B4GALT5: variants seen among roughly 807,000 people sequenced by gnomAD.
The protein encoded by B4GALT5 is UDP-Gal:beta-GlcNAc beta-1,4-galactosyltransferase 5.
Under a neutral mutation model 45.0 loss-of-function variants are expected in B4GALT5, and 11 were observed. The ratio of observed to expected loss-of-function variants is 0.24; its 90% CI spans 0.15 to 0.40. B4GALT5 has a LOEUF of 0.40. B4GALT5 is among the 10% of genes least tolerant of loss of function. B4GALT5 has a pLI of 1.00. For missense variants in B4GALT5, 337 were observed against 500.2 expected (o/e 0.67, Z 3.11); for synonymous variants, 185 against 182.9 (o/e 1.01, Z -0.09).
chr20:49,681,842 T>A (rs2085765301), intron 1 of B4GALT5, among the ~76,000 whole-genome samples: 2 of 152,210 alleles, frequency 1.3e-5, no homozygotes, highest in Admixed American at 1.3e-4. Flanking sequence ...ACGCCTGTAA[T>A]CCCAGCACTT....
At chr20:49,652,806 G>A (rs78730232) in intron 2 of B4GALT5, among the ~76,000 whole-genome samples, 2,276 of 152,268 alleles carry the variant, frequency 0.015, 55 homozygotes, top group African/African-American at 0.052. Context: ...GCTATGCTTG[G>A]CCTAATGCAG....
chr20:49,666,265 G>A (rs1379867243), intron 1 of B4GALT5, among the ~76,000 whole-genome samples: 2 of 152,036 alleles, frequency 1.3e-5, no homozygotes, highest in Non-Finnish European at 2.9e-5. Flanking sequence ...GAGCAATGCA[G>A]AGGAACACCA....
At position 49,713,575 on chromosome 20, in the gene B4GALT5, C is replaced by A; in HGVS notation, c.115+1G>T. On this transcript the variant is annotated splice_donor_variant, in intron 1 of 8. Coordinates refer to ENST00000371711, the MANE Select transcript of B4GALT5 (RefSeq NM_004776.4). LOFTEE classifies it high-confidence loss of function. ...GCCGCGGTCCCAAGCCCCCTTCCTA[C>A]CTATGCCGGGCGCCACATAGACGAA... The A allele has an allele frequency of 6.4e-7, 1 of 1,574,798 alleles. No homozygotes were observed. The highest frequency in any genetic ancestry group is 1.4e-5 in the African/African-American group (1 of 73,774).
chr20:49,689,903 C>T (rs2085803080), intron 1 of B4GALT5, among the ~76,000 whole-genome samples: 1 of 152,106 alleles, frequency 6.6e-6, no homozygotes, highest in African/African-American at 2.4e-5. Context: ...TGTTTGGAGA[C>T]GGGGTCTCGC....
intron 1 of B4GALT5, among the ~76,000 whole-genome samples, chr20:49,692,629 G>A (rs539669098): frequency 6.6e-6 from 1 of 152,236 alleles, no homozygotes; most frequent in Non-Finnish European, 1.5e-5. Flanking sequence ...AGGAGGCTGA[G>A]TATATCCTTT....
Position 49,633,439 on chromosome 20 carries a change from G to GTTTTTTGT in B4GALT5, c.*2872_*2873insACAAAAAA, listed in dbSNP as rs1555810432. On this transcript the variant is annotated 3_prime_UTR_variant, in exon 9 of 9. Transcript: ENST00000371711. ...ATGCACAAGGTCACATTTGGTTCCT[G>GTTTTTTGT]TTTTTTTTTTTAACATGACAATTTC... 3 of 146,246 alleles carry GTTTTTTGT rather than the reference G, an allele frequency of 2.1e-5. No individual in the cohort carries two copies. Among genetic ancestry groups the GTTTTTTGT allele is most frequent in the Non-Finnish European group, 4.5e-5 (3 of 66,606 alleles). The allele number at this position is 146,246 out of a possible 1,614,324, so 9.1% of individuals were successfully genotyped here.
chr20:49,642,399 A>G, intron 5 of B4GALT5, 69 bp downstream of exon 5: 1 of 1,176,094 alleles, frequency 8.5e-7, no homozygotes, highest in Non-Finnish European at 1.2e-6. Flanking sequence ...CCAACAGTGG[A>G]TTAGCTTGCA....
At chr20:49,693,819 C>G (rs970171385) in intron 1 of B4GALT5, among the ~76,000 whole-genome samples, 11 of 152,180 alleles carry the variant, frequency 7.2e-5, no homozygotes, top group Admixed American at 5.9e-4. Flanking sequence ...AGGTATGCAG[C>G]TTTGCATAAA....
At chr20:49,693,706 G>C (rs1306398084) in intron 1 of B4GALT5, among the ~76,000 whole-genome samples, 2 of 152,210 alleles carry the variant, frequency 1.3e-5, no homozygotes. Flanking sequence ...TTTTCCAAAA[G>C]CCTGCTGGCA....
intron 1 of B4GALT5, among the ~76,000 whole-genome samples, chr20:49,683,296 T>C (rs1364721505): frequency 6.6e-6 from 1 of 152,242 alleles, no homozygotes; most frequent in Non-Finnish European, 1.5e-5. Flanking sequence ...TTTTCTGGTT[T>C]TCCTTTTATC....
At chr20:49,638,899 T>A (rs192859129) in intron 7 of B4GALT5, among the ~76,000 whole-genome samples, 225 of 152,212 alleles carry the variant, frequency 1.5e-3, no homozygotes, top group African/African-American at 5.2e-3. Flanking sequence ...TATAACCGAA[T>A]TAAATGGAGC....
At chr20:49,707,794 AG>A (rs1258265494) in intron 1 of B4GALT5, among the ~76,000 whole-genome samples, 1 of 151,870 alleles carries the variant, frequency 6.6e-6, no homozygotes, top group Non-Finnish European at 1.5e-5. Context: ...TTGTATTTTT[AG>A]TAGAGACGAG....
intron 1 of B4GALT5, among the ~76,000 whole-genome samples, chr20:49,708,940 A>G (rs1208435113): frequency 6.6e-6 from 1 of 152,106 alleles, no homozygotes; most frequent in African/African-American, 2.4e-5. Context: ...TCAAAAAAAA[A>G]AAAAAAAAGT....
At chr20:49,711,929 A>T (rs2085914045) in intron 1 of B4GALT5, among the ~76,000 whole-genome samples, 1 of 152,214 alleles carries the variant, frequency 6.6e-6, no homozygotes, top group Admixed American at 6.5e-5. Context: ...GGCACTAGTT[A>T]TTGCTACAAT....
chr20:49,678,390 G>A (rs1413650352), intron 1 of B4GALT5, among the ~76,000 whole-genome samples: 1 of 152,238 alleles, frequency 6.6e-6, no homozygotes, highest in African/African-American at 2.4e-5. Flanking sequence ...ACAATAATTT[G>A]GCTGGACAAG....
intron 6 of B4GALT5, 63 bp from the exon 7 acceptor site, chr20:49,639,863 G>A (rs2085568643): frequency 6.3e-7 from 1 of 1,584,718 alleles, no homozygotes; most frequent in African/African-American, 1.3e-5. Context: ...TCCCTAGAAG[G>A]TTCTCATTTG....
intron 6 of B4GALT5, among the ~76,000 whole-genome samples, chr20:49,640,027 A>G (rs2085569582): frequency 6.6e-6 from 1 of 152,234 alleles, no homozygotes; most frequent in South Asian, 2.1e-4. Flanking sequence ...TATATCATTC[A>G]ATGGTTTTAG....
intron 2 of B4GALT5, among the ~76,000 whole-genome samples, chr20:49,650,810 T>A (rs1941324748): frequency 6.6e-6 from 1 of 152,174 alleles, no homozygotes; most frequent in South Asian, 2.1e-4. Flanking sequence ...TTATACCTTA[T>A]CCCCTTGGAG....
chr20:49,681,216 T>TTAA (rs1555813241), intron 1 of B4GALT5, among the ~76,000 whole-genome samples: 24 of 72,440 alleles, frequency 3.3e-4, no homozygotes, highest in African/African-American at 1.1e-3. Flanking sequence ...ACCCCATCTC[T>TTAA]AAAAAAAAAA....
Sources: gnomAD v4.1 joint callset for allele counts (sites outside exome capture counted in the v4.1 genomes callset) on GRCh38, gnomAD v4.1.1 for gene constraint, MANE v1.5 for transcripts, NCBI Gene and HGNC (gene_info 2026-07-23, HGNC 2026-07-21) for gene names.